GABRD: variants seen among roughly 807,000 people sequenced by gnomAD.
GABRD encodes the protein gamma-aminobutyric acid receptor subunit delta.
A neutral mutation model predicts 47.3 loss-of-function variants in GABRD; 25 were observed. That is an observed-to-expected ratio of 0.53 (90% CI 0.39 to 0.74). The LOEUF (loss-of-function observed/expected upper bound fraction) is 0.74, where lower values mean the gene tolerates loss of function less well. Among genes scored for constraint, GABRD ranks in the 30% least tolerant of loss-of-function variants. The pLI, the probability that GABRD is intolerant of heterozygous loss-of-function variation, is 0.00. For synonymous variants in GABRD, 314 were observed against 278.8 expected, an observed-to-expected ratio of 1.13 and a Z score of -1.26; for missense variants, 497 against 643.4, an observed-to-expected ratio of 0.77 and a Z score of 2.46.
chr1:2,029,305 G>A (rs761648407), intron 7 of GABRD, 39 bp downstream of exon 7: 7 of 1,536,070 alleles, frequency 4.6e-6, no homozygotes, highest in Middle Eastern at 1.7e-4. Flanking sequence ...AGCTGGAAGG[G>A]CGGCCCTGGG....
chr1:2,025,107 C>T, intron 2 of GABRD, 53 bp downstream of exon 2: 1 of 1,495,960 alleles, frequency 6.7e-7, no homozygotes, highest in East Asian at 2.4e-5. Flanking sequence ...CCAGGCTAGG[C>T]CGTGGCTGTG....
intron 1 of GABRD, 44 bp from the exon 2 acceptor site, chr1:2,024,898 A>T: frequency 7.0e-7 from 1 of 1,426,536 alleles, no homozygotes; most frequent in Non-Finnish European, 9.9e-7. Flanking sequence ...CAGTGGAATT[A>T]AATTAAGTCC....
chr1:2,028,319 C>T lies in GABRD; in HGVS notation c.691+27C>T, dbSNP rs776000738. On this transcript the variant is annotated intron_variant, in intron 6 of 8. Coordinates refer to ENST00000378585, the MANE Select transcript of GABRD (RefSeq NM_000815.5). The surrounding 1 kb of genome is among the most constrained non-coding windows in gnomAD (Gnocchi z 6.4). Reference sequence around the variant, plus strand: ...TAACATATGCCCGCCGCCCCTTCCGCATGTGCCCGCCGCCCCTTCCGCGCG... The same window carrying T: ...TAACATATGCCCGCCGCCCCTTCCGTATGTGCCCGCCGCCCCTTCCGCGCG... 6.9e-6 allele frequency: 11 copies of T among 1,594,634 alleles called. No homozygotes were observed. Among genetic ancestry groups the T allele is most frequent in the Non-Finnish European group, 9.4e-6 (11 of 1,169,274 alleles).
intron 1 of GABRD, among the ~76,000 whole-genome samples, chr1:2,021,943 G>A (rs1658791209): frequency 6.6e-6 from 1 of 152,200 alleles, no homozygotes; most frequent in African/African-American, 2.4e-5. Context: ...AGTGGGGCCA[G>A]GAGGGCAGGA....
At chr1:2,021,512 C>A (rs1179855662) in intron 1 of GABRD, among the ~76,000 whole-genome samples, 1 of 152,214 alleles carries the variant, frequency 6.6e-6, no homozygotes, top group Non-Finnish European at 1.5e-5. Context: ...CTGGCCATTA[C>A]CCCAGGTCCC....
chr1:2,027,721 A>T, intron 5 of GABRD, 62 bp downstream of exon 5: 1 of 1,454,660 alleles, frequency 6.9e-7, no homozygotes, highest in Non-Finnish European at 9.6e-7. Flanking sequence ...TCAGACTGTC[A>T]GCCCGGGGCC....
At chr1:2,029,376 G>A (rs564302115) in intron 7 of GABRD, 110 bp downstream of exon 7, 2 of 1,447,930 alleles carry the variant, frequency 1.4e-6, no homozygotes, top group South Asian at 1.3e-5. Context: ...CATGCCAGCT[G>A]TCCTGGGGCA....
chr1:2,030,199 AC>A lies in GABRD; in HGVS notation c.1278del (p.Ile427LeufsTer82). Reference protein sequence around the residue: ...RARLRPIDADTIDIYARAVFP... With the variant: ...RARLRPIDADXIDIYARAVFP... ...CCGGCTCAGGCCCATCGACGCAGACACCATTGACATTTACGCCCGCGCTGTG... is the reference window on the plus strand; with the variant it reads ...CCGGCTCAGGCCCATCGACGCAGACACATTGACATTTACGCCCGCGCTGTG... On this transcript the variant is annotated frameshift_variant, in exon 9 of 9. Coordinates refer to ENST00000378585, the MANE Select transcript of GABRD (RefSeq NM_000815.5). LOFTEE classifies it high-confidence loss of function. 6.4e-7 allele frequency: 1 copy of A among 1,560,452 alleles called. No homozygotes were observed. Among genetic ancestry groups the A allele is most frequent in the Non-Finnish European group, 8.7e-7 (1 of 1,152,182 alleles).
chr1:2,027,515 G>A (rs1348766199), intron 4 of GABRD, 62 bp from the exon 5 acceptor site: 11 of 1,398,632 alleles, frequency 7.9e-6, no homozygotes, highest in Non-Finnish European at 1.1e-5. Flanking sequence ...CAGGGGAACT[G>A]CCAGGCTTTC....
At chr1:2,029,048 T>G in intron 6 of GABRD, 63 bp from the exon 7 acceptor site, 28 of 1,529,142 alleles carry the variant, frequency 1.8e-5, no homozygotes, top group African/African-American at 5.5e-5. Context: ...CTGCAGCCCC[T>G]GAGTCCCATG....
intron 1 of GABRD, chr1:2,022,245 C>T (rs1658797682): frequency 6.6e-6 from 1 of 152,586 alleles, no homozygotes. Context: ...GTTCCCCCAG[C>T]CCCCGCTAGA....
In GABRD at chr1:2,027,821, A is replaced by G. The variant is rs182708193; in HGVS notation, c.553+162A>G. 3.2e-4 allele frequency: 234 copies of G among 720,422 alleles called. 1 individual carries two copies. In the African/African-American group the frequency reaches 3.6e-3, roughly 11 times the overall value. 44.6% of individuals were successfully genotyped at this position (720,422 alleles called of 1,614,324 possible). On this transcript the variant is annotated intron_variant, in intron 5 of 8. Transcript: ENST00000378585. ...CTGGGCAGGAGGAGAAGGGGCCAGA[A>G]AGCCTGGAGCAGTCTGGCTTGTGGG...
In GABRD at chr1:2,025,087, C is replaced by G. The variant is rs760073898; in HGVS notation, c.181+33C>G. The G allele has an allele frequency of 1.9e-6, 3 of 1,555,202 alleles. No homozygotes were observed. In the Admixed American group the frequency reaches 5.2e-5, roughly 27 times the overall value. The stretch of plus-strand genomic sequence containing the variant: ...GCGGTCCAGGCCCGGCAGGCAGGAG[C>G]CGCTGGAGCCCAGGCTAGGCCGTGG... On this transcript the variant is annotated intron_variant, in intron 2 of 8. Transcript: ENST00000378585.
chr1:2,027,585 C>G lies in GABRD; in HGVS notation c.479C>G (p.Ser160Cys). 6.2e-7 allele frequency: 1 copy of G among 1,613,454 alleles called. No individual in the cohort carries two copies. The highest frequency in any genetic ancestry group is 1.1e-5 in the South Asian group (1 of 90,972). ...GVILYSIRIT[S>C]TVACDMDLAK... is the part of the protein sequence containing the mutation. ...CATGCTTGTCTTGGCAGAATCACCT[C>G]CACTGTGGCCTGCGACATGGACCTG... The change falls in exon 5 of 9, where the codon TCC (serine) becomes TGC (cysteine). Residue 160 changes from serine (S) to cysteine (C), a missense_variant. By Grantham distance (112) the Ser-to-Cys change is moderately radical. Transcript: ENST00000378585.
rs1658963032 is a variant in GABRD, at chr1:2,027,607, C to G, written c.501C>G (p.Asp167Glu). The change falls in exon 5 of 9, where the codon GAC (aspartate) becomes GAG (glutamate). Residue 167 changes from aspartate to glutamate, a missense_variant. Physicochemically the swap from Asp to Glu is conservative, Grantham distance 45. This residue lies in a region of GABRD where 285 missense variants were observed against 436.6 expected (regional missense o/e 0.65). Coordinates refer to ENST00000378585, the MANE Select transcript of GABRD (RefSeq NM_000815.5). ...RITSTVACDM[D>E]LAKYPMDEQE... is the part of the protein sequence containing the mutation. ...CCTCCACTGTGGCCTGCGACATGGACCTGGCCAAATACCCCATGGACGAGC... is the reference window on the plus strand; with the variant it reads ...CCTCCACTGTGGCCTGCGACATGGAGCTGGCCAAATACCCCATGGACGAGC... The G allele has an allele frequency of 6.2e-7, 1 of 1,613,720 alleles. No homozygotes were observed. The highest frequency in any genetic ancestry group is 8.5e-7 in the Non-Finnish European group (1 of 1,179,978).
chr1:2,025,075 G>T, intron 2 of GABRD, 21 bp downstream of exon 2: 1 of 1,589,932 alleles, frequency 6.3e-7, no homozygotes, highest in South Asian at 1.1e-5. Flanking sequence ...GTCCAGGCCC[G>T]GCAGGCAGGA....
Position 2,028,385 on chromosome 1 carries a change from C to T in GABRD, c.691+93C>T, listed in dbSNP as rs977719667. 10 of 1,271,594 alleles carry T rather than the reference C, an allele frequency of 7.9e-6. No individual in the cohort carries two copies. The African/African-American group carries it at 8.0e-5, about 10-fold the overall frequency. The allele number at this position is 1,271,594 out of a possible 1,614,324, so 78.8% of individuals were successfully genotyped here. A position where few individuals can be genotyped will look rare whatever the true frequency, so the allele number is the denominator to read the frequency against. On this transcript the variant is annotated intron_variant, in intron 6 of 8. Transcript: ENST00000378585. The surrounding 1 kb of genome is among the most constrained non-coding windows in gnomAD (Gnocchi z 6.4). ...CCGCGCGCGCCCACCGCCCCTTCCG[C>T]GTGCGCCCGCCTGTGGTTTTCATGC...
intron 4 of GABRD, among the ~76,000 whole-genome samples, chr1:2,026,191 C>T (rs1658918914): frequency 1.3e-5 from 2 of 152,218 alleles, no homozygotes; most frequent in Admixed American, 6.5e-5. Context: ...CGCTTGCTTT[C>T]TGTCTCTGTG....
In GABRD at chr1:2,027,626, G is replaced by C. The variant is rs1329085916; in HGVS notation, c.520G>C (p.Asp174His). 1 of 1,613,936 alleles carries C rather than the reference G, an allele frequency of 6.2e-7. No individual in the cohort carries two copies. The highest frequency in any genetic ancestry group is 1.7e-5 in the Admixed American group (1 of 60,018). Reference protein sequence around the residue: ...CDMDLAKYPMDEQECMLDLES... With the variant: ...CDMDLAKYPMHEQECMLDLES... ...CATGGACCTGGCCAAATACCCCATG[G>C]ACGAGCAGGAGTGCATGCTGGACCT... The change falls in exon 5 of 9, where the codon GAC becomes CAC. Residue 174 changes from aspartate (D) to histidine (H), a missense_variant. By Grantham distance (81) the Asp-to-His change is moderately conservative. Coordinates refer to ENST00000378585, the MANE Select transcript of GABRD (RefSeq NM_000815.5).
Sources: allele counts gnomAD v4.1 joint callset (sites outside exome capture counted in the v4.1 genomes callset), GRCh38; gene constraint gnomAD v4.1.1; regional missense constraint gnomAD v4.1.1; non-coding constraint Gnocchi (gnomAD v3.1); transcripts MANE v1.5; gene names NCBI Gene and HGNC (gene_info 2026-07-23, HGNC 2026-07-21).